Variants in SIPA1L3 observed in about 807,000 individuals in gnomAD.
SIPA1L3 encodes signal induced proliferation associated 1 like 3.
SIPA1L3 carries 59 observed loss-of-function variants against 150.1 expected under a neutral mutation model. That is an observed-to-expected ratio of 0.39 (90% CI 0.32 to 0.49). The LOEUF is 0.49. SIPA1L3 is among the 20% of genes least tolerant of loss of function. The pLI, the probability that SIPA1L3 is intolerant of heterozygous loss-of-function variation, is 0.86. For missense variants in SIPA1L3, 2,211 were observed against 2,489.5 expected, an observed-to-expected ratio of 0.89 and a Z score of 2.38; for synonymous variants, 1,070 against 1,077.6, an observed-to-expected ratio of 0.99 and a Z score of 0.14.
chr19:38,148,660 G>T (rs1971752313), intron 12 of SIPA1L3, among the ~76,000 whole-genome samples: 1 of 152,132 alleles, frequency 6.6e-6, no homozygotes, highest in African/African-American at 2.4e-5. Flanking sequence ...GCCCGGCGAG[G>T]CTCCTGCCCA....
At chr19:38,137,138 C>T (rs113202323) in intron 10 of SIPA1L3, among the ~76,000 whole-genome samples, 1 of 152,262 alleles carries the variant, frequency 6.6e-6, no homozygotes, top group African/African-American at 2.4e-5. Context: ...CATCTGGCCC[C>T]GCAGCCCTGG....
At chr19:38,098,949 T>C (rs1198111839) in intron 4 of SIPA1L3, among the ~76,000 whole-genome samples, 4 of 152,170 alleles carry the variant, frequency 2.6e-5, no homozygotes, top group African/African-American at 7.2e-5. Context: ...TGGTGTCTTG[T>C]CTTGTCTTGT....
intron 8 of SIPA1L3, among the ~76,000 whole-genome samples, chr19:38,111,496 G>A (rs1970741601): frequency 6.6e-6 from 1 of 152,148 alleles, no homozygotes; most frequent in Non-Finnish European, 1.5e-5. Context: ...CTGAGTCCAA[G>A]CATACAGCTG....
At chr19:37,936,911 T>C (rs1242767160) in intron 1 of SIPA1L3, among the ~76,000 whole-genome samples, 1 of 152,264 alleles carries the variant, frequency 6.6e-6, no homozygotes, top group Non-Finnish European at 1.5e-5. Context: ...TGGTCTCATC[T>C]GTCAGTAACC....
rs112319201 is a variant in SIPA1L3, at chr19:38,176,176, A to AT, written c.4209-6329dup. ...AGGTGCACACCGTCACACTTGGCTA[A>AT]TTTTTTTTTTTTTTCAAGTACAGAT... On this transcript the variant is annotated intron_variant, in intron 15 of 21. Transcript: ENST00000222345. 8.3e-4 allele frequency among the ~76,000 whole-genome samples: 122 copies of AT among 146,452 alleles called. 1 individual carries two copies. Among genetic ancestry groups the AT allele is most frequent in the Middle Eastern group, 3.6e-3 (1 of 278 alleles).
intron 1 of SIPA1L3, among the ~76,000 whole-genome samples, chr19:37,934,902 C>T (rs2046587104): frequency 6.6e-6 from 1 of 152,222 alleles, no homozygotes; most frequent in South Asian, 2.1e-4. Flanking sequence ...GCGTAACACA[C>T]AGTGGTGTGG....
chr19:38,156,258 T>C (rs1031543048), intron 13 of SIPA1L3, among the ~76,000 whole-genome samples: 3 of 151,904 alleles, frequency 2.0e-5, no homozygotes, highest in African/African-American at 7.3e-5. Flanking sequence ...TAGATTTGGA[T>C]CCCTTTTTTC....
intron 1 of SIPA1L3, among the ~76,000 whole-genome samples, chr19:38,000,400 G>A (rs774776625): frequency 6.6e-5 from 10 of 150,930 alleles, no homozygotes; most frequent in Non-Finnish European, 1.5e-4. Context: ...CCCAGGAGGC[G>A]GAGGTTTCAG....
chr19:37,911,871 C>T (rs1599784785), intron 1 of SIPA1L3, among the ~76,000 whole-genome samples: 2 of 151,824 alleles, frequency 1.3e-5, no homozygotes, highest in South Asian at 4.2e-4. Context: ...GAGATCGAGA[C>T]CATCCTGGCT....
At chr19:38,084,416 G>A (rs914998482) in intron 3 of SIPA1L3, among the ~76,000 whole-genome samples, 6 of 151,936 alleles carry the variant, frequency 3.9e-5, no homozygotes, top group African/African-American at 1.5e-4. Context: ...GCATAAATGC[G>A]TTAAAGAGCT....
chr19:38,142,685 G>C lies in SIPA1L3; in HGVS notation c.3508G>C (p.Val1170Leu), dbSNP rs375432791. 4 of 1,613,934 alleles carry C rather than the reference G, an allele frequency of 2.5e-6. No individual in the cohort carries two copies. Among genetic ancestry groups the C allele is most frequent in the African/African-American group, 1.3e-5 (1 of 75,026 alleles). ...CTCCACCCCCGGTTCGGCCACCTACGTGAGATACAAGCCATCCCCAGAAAG... is the reference window on the plus strand; with the variant it reads ...CTCCACCCCCGGTTCGGCCACCTACCTGAGATACAAGCCATCCCCAGAAAG... ...SFSTPGSATY[V>L]RYKPSPERYT... Residue 1170 changes from valine to leucine, a missense_variant, in exon 12 of 22, where the codon GTG becomes CTG. Coordinates refer to ENST00000222345, the MANE Select transcript of SIPA1L3 (RefSeq NM_015073.3).
At chr19:38,003,191 A>T (rs1207326950) in intron 1 of SIPA1L3, among the ~76,000 whole-genome samples, 2 of 152,182 alleles carry the variant, frequency 1.3e-5, no homozygotes, top group Non-Finnish European at 2.9e-5. Flanking sequence ...TTCAGTAAAC[A>T]TCAACTGAAG....
intron 9 of SIPA1L3, among the ~76,000 whole-genome samples, chr19:38,123,612 C>A (rs1251633459): frequency 2.6e-5 from 4 of 150,990 alleles, no homozygotes; most frequent in Non-Finnish European, 5.9e-5. Flanking sequence ...ATCCCAAGGC[C>A]GAAGAATTTT....
intron 1 of SIPA1L3, among the ~76,000 whole-genome samples, chr19:37,953,680 T>A (rs1044063062): frequency 2.0e-5 from 3 of 152,186 alleles, no homozygotes; most frequent in African/African-American, 7.2e-5. Flanking sequence ...CTTGAGCAGC[T>A]TTGCTTTTGA....
rs144370560 is a variant in SIPA1L3 at position 38,192,416 on chromosome 19, T to G, written c.4596+106T>G. 8.3e-5 allele frequency: 89 copies of G among 1,074,672 alleles called. 1 individual carries two copies. The African/African-American group carries it at 1.3e-3, about 15-fold the overall frequency. The allele number at this position is 1,074,672 out of a possible 1,614,324, so 66.6% of individuals were successfully genotyped here. On this transcript the variant is annotated intron_variant, in intron 17 of 21. Transcript: ENST00000222345. ...TGCTCCCCACGGTCACGCCAGCTCC[T>G]TCCCGTCGTGTCCCCAGCCTTTGGC...
At chr19:38,103,970 T>G (rs1970566140) in intron 6 of SIPA1L3, among the ~76,000 whole-genome samples, 1 of 151,722 alleles carries the variant, frequency 6.6e-6, no homozygotes, top group South Asian at 2.1e-4. Flanking sequence ...ATTGAAATGT[T>G]TCATGAGAAG....
In SIPA1L3 at chr19:38,098,025, T is replaced by A. The variant is rs1030053116; in HGVS notation, c.1666-1937T>A. Among the ~76,000 whole-genome samples the A allele has an allele frequency of 4.7e-4, 71 of 152,186 alleles. 1 individual carries two copies. The highest frequency in any genetic ancestry group is 4.4e-5 in the Non-Finnish European group (3 of 68,038). Reference sequence around the variant, plus strand: ...GCACGTAACCTCTTGGAACTTCAATTTGCTTCTCTGTAAATCAGAGATAAA... The same window carrying A: ...GCACGTAACCTCTTGGAACTTCAATATGCTTCTCTGTAAATCAGAGATAAA... On this transcript the variant is annotated intron_variant, in intron 4 of 21. Coordinates refer to ENST00000222345, the MANE Select transcript of SIPA1L3 (RefSeq NM_015073.3).
chr19:38,169,402 T>C (rs1972278163), intron 15 of SIPA1L3, among the ~76,000 whole-genome samples: 1 of 151,020 alleles, frequency 6.6e-6, no homozygotes, highest in Non-Finnish European at 1.5e-5. Flanking sequence ...AAAAAAAAAA[T>C]CCATGTGGAT....
At chr19:38,020,084 C>T (rs1295633619) in intron 1 of SIPA1L3, among the ~76,000 whole-genome samples, 3 of 142,462 alleles carry the variant, frequency 2.1e-5, no homozygotes, top group African/African-American at 7.4e-5. Flanking sequence ...CAGAGTGAGA[C>T]CCCGTCTCTC....
Sources: allele counts gnomAD v4.1 joint callset (sites outside exome capture counted in the v4.1 genomes callset), GRCh38; gene constraint gnomAD v4.1.1; transcripts MANE v1.5; gene names NCBI Gene and HGNC (gene_info 2026-07-23, HGNC 2026-07-21).